The following CEP128 variants were observed in gnomAD, a reference collection of about 807,000 sequenced individuals.
CEP128 encodes centrosomal protein 128, also known as centrosomal protein 128kDa.
In CEP128, 132 loss-of-function variants were observed where a neutral mutation model predicts 156.7. The observed-to-expected ratio is 0.84, with a 90% confidence interval of 0.73 to 0.97. CEP128 has a LOEUF of 0.97. Among genes scored for constraint, CEP128 ranks in the 50% least tolerant of loss-of-function variants. The pLI, the probability that CEP128 is intolerant of heterozygous loss-of-function variation, is 0.00. For synonymous variants in CEP128, 469 were observed against 448.9 expected (o/e 1.04, Z -0.57); for missense variants, 1,252 against 1,281.9 (o/e 0.98, Z 0.36).
At chr14:80,542,991 A>G (rs1460879516) in intron 21 of CEP128, among the ~76,000 whole-genome samples, 2 of 152,220 alleles carry the variant, frequency 1.3e-5, no homozygotes, top group Non-Finnish European at 2.9e-5. Context: ...AAATAAATTA[A>G]TCATTTTCCA....
chr14:80,582,612 T>C (rs192305004), intron 19 of CEP128, among the ~76,000 whole-genome samples: 149 of 152,108 alleles, frequency 9.8e-4, no homozygotes, highest in African/African-American at 3.4e-3. Flanking sequence ...GTACTTTCAT[T>C]GTTAATCCCA....
At chr14:80,796,433 C>G (rs1386393108) in intron 13 of CEP128, among the ~76,000 whole-genome samples, 1 of 151,670 alleles carries the variant, frequency 6.6e-6, no homozygotes, top group Admixed American at 6.6e-5. Context: ...GCACTGCAGC[C>G]TAGGCCACAC....
At chr14:80,805,267 A>G (rs1884111125) in intron 13 of CEP128, among the ~76,000 whole-genome samples, 1 of 152,166 alleles carries the variant, frequency 6.6e-6, no homozygotes, top group Non-Finnish European at 1.5e-5. Flanking sequence ...GAAATGAGGC[A>G]GGGACCATAT....
At chr14:80,821,924 G>T (rs1318946814) in intron 13 of CEP128, among the ~76,000 whole-genome samples, 1 of 100,274 alleles carries the variant, frequency 1.0e-5, no homozygotes, top group Non-Finnish European at 2.1e-5. Flanking sequence ...ATGGCGGAAG[G>T]TGACAGGCAC....
chr14:80,543,530 C>A (rs188818557), intron 21 of CEP128, among the ~76,000 whole-genome samples: 215 of 152,282 alleles, frequency 1.4e-3, no homozygotes, highest in African/African-American at 4.9e-3. Flanking sequence ...CATGTGAGCA[C>A]AAGTATATAT....
chr14:80,684,715 A>T (rs1896460302), intron 19 of CEP128, among the ~76,000 whole-genome samples: 1 of 151,834 alleles, frequency 6.6e-6, no homozygotes, highest in Admixed American at 6.6e-5. Flanking sequence ...AAAAAAAAGC[A>T]AACTGAATCC....
At chr14:80,951,638 A>T (rs1325282825) in intron 2 of CEP128, among the ~76,000 whole-genome samples, 6 of 152,118 alleles carry the variant, frequency 3.9e-5, no homozygotes, top group African/African-American at 1.4e-4. Context: ...AACTAATAGC[A>T]AGATTATTCA....
intron 13 of CEP128, among the ~76,000 whole-genome samples, chr14:80,818,826 C>G (rs776955862): frequency 6.6e-6 from 1 of 152,186 alleles, no homozygotes. Context: ...AGATTTTCAA[C>G]CAGAAAATAT....
chr14:80,491,294 C>A (rs180878226), intron 6 of CEP128, among the ~76,000 whole-genome samples: 33 of 152,290 alleles, frequency 2.2e-4, no homozygotes, highest in African/African-American at 6.0e-4. Flanking sequence ...ACAGAATGAA[C>A]CTTGGCCAGC....
Position 80,728,245 on chromosome 14 carries a change from G to C in CEP128, c.2806+14830C>G, listed in dbSNP as rs1399609868. ...AGGCTGTAATCCTAAATTATCCTAA[G>C]ATAATTAATTCGGGAACACAAAACC... On this transcript the variant is annotated intron_variant, in intron 19 of 24. Coordinates refer to ENST00000555265, the MANE Select transcript of CEP128 (RefSeq NM_152446.5). 2.0e-5 allele frequency among the ~76,000 whole-genome samples: 3 copies of C among 152,152 alleles called. No individual in the cohort carries two copies. The East Asian group carries it at 5.8e-4, about 29-fold the overall frequency.
rs570180873 is a variant in CEP128, at chr14:80,538,206, C to T, written c.2881-7320G>A. Among the ~76,000 whole-genome samples the T allele has an allele frequency of 2.4e-4, 37 of 151,832 alleles. No individual in the cohort carries two copies. The South Asian group carries it at 4.0e-3, about 16-fold the overall frequency. On this transcript the variant is annotated intron_variant, in intron 21 of 24. Transcript: ENST00000555265. The stretch of plus-strand genomic sequence containing the variant: ...CCATCAACTCTAGTAACTTCTAAAA[C>T]GTGAAGAGGTCAGTGACCATCTAAA...
In CEP128 at chr14:80,885,103, T is replaced by G. The variant is rs533506314; in HGVS notation, c.645+10615A>C. Among the ~76,000 whole-genome samples, 210 of 152,254 alleles carry G rather than the reference T, an allele frequency of 1.4e-3. 2 individuals carry two copies. Among genetic ancestry groups the G allele is most frequent in the African/African-American group, 4.5e-3 (188 of 41,550 alleles). On this transcript the variant is annotated intron_variant, in intron 8 of 24. Coordinates refer to ENST00000555265, the MANE Select transcript of CEP128 (RefSeq NM_152446.5). ...TCCTCCTCACTGGGCAGGACATCTCTGAAAGAAAGGCAGCAGCCCCAGTCA... is the reference window on the plus strand; with the variant it reads ...TCCTCCTCACTGGGCAGGACATCTCGGAAAGAAAGGCAGCAGCCCCAGTCA...
upstream of CEP128, among the ~76,000 whole-genome samples, chr14:80,946,682 T>A (rs1886352057): frequency 6.6e-6 from 1 of 152,120 alleles, no homozygotes; most frequent in Non-Finnish European, 1.5e-5. Context: ...ACAACTATTA[T>A]GTAAGAAGCT....
At position 80,563,118 on chromosome 14, in the gene CEP128, T is replaced by C. The variant is rs1168612748; in HGVS notation, c.2857-3816A>G. On this transcript the variant is annotated intron_variant, in intron 20 of 24. Coordinates refer to ENST00000555265, the MANE Select transcript of CEP128 (RefSeq NM_152446.5). ...CCTTTGTAATTTTTCCCTTTTTCTT[T>C]AATCTATAATTTTCATTTAAACAGA... 5.9e-5 allele frequency among the ~76,000 whole-genome samples: 9 copies of C among 152,350 alleles called. No homozygotes were observed. In the East Asian group the frequency reaches 1.7e-3, roughly 29 times the overall value.
intron 19 of CEP128, among the ~76,000 whole-genome samples, chr14:80,609,639 C>A (rs1892917179): frequency 6.6e-6 from 1 of 152,118 alleles, no homozygotes; most frequent in Admixed American, 6.5e-5. Flanking sequence ...AAATAAAACC[C>A]ATGTCATTGG....
At chr14:80,703,861 C>T (rs957153672) in intron 19 of CEP128, among the ~76,000 whole-genome samples, 2 of 151,958 alleles carry the variant, frequency 1.3e-5, no homozygotes, top group African/African-American at 4.8e-5. Context: ...CTGTGAACTC[C>T]AACAGAGTCA....
chr14:80,885,752 C>T (rs150019667), intron 8 of CEP128, among the ~76,000 whole-genome samples: 20 of 152,202 alleles, frequency 1.3e-4, no homozygotes, highest in Admixed American at 6.5e-4. Context: ...TCTCCAGCAA[C>T]GGCACCAAAT....
chr14:80,516,460 T>A (rs1324335510), intron 23 of CEP128, among the ~76,000 whole-genome samples: 1 of 152,172 alleles, frequency 6.6e-6, no homozygotes, highest in African/African-American at 2.4e-5. Flanking sequence ...AGCACTCCCT[T>A]GACAGCCCTG....
At chr14:80,566,662 T>C (rs775504160) in intron 20 of CEP128, among the ~76,000 whole-genome samples, 9 of 152,352 alleles carry the variant, frequency 5.9e-5, no homozygotes, top group Non-Finnish European at 1.3e-4. Context: ...GAAAGAAGTT[T>C]GTCTATACAT....
Sources: allele counts gnomAD v4.1 joint callset (sites outside exome capture counted in the v4.1 genomes callset), GRCh38; gene constraint gnomAD v4.1.1; transcripts MANE v1.5; gene names NCBI Gene and HGNC (gene_info 2026-07-23, HGNC 2026-07-21).